RHOT1: variants seen among roughly 807,000 people sequenced by gnomAD.
The protein encoded by RHOT1 is mitochondrial Rho GTPase 1.
A neutral mutation model predicts 95.3 loss-of-function variants in RHOT1; 27 were observed. The ratio of observed to expected loss-of-function variants is 0.28; its 90% CI spans 0.21 to 0.39. RHOT1 has a LOEUF of 0.39. Among genes scored for constraint, RHOT1 ranks in the 10% least tolerant of loss-of-function variants. The pLI is 1.00. For synonymous variants in RHOT1, 227 were observed against 263.5 expected (o/e 0.86, Z 1.34); for missense variants, 578 against 786.7 (o/e 0.73, Z 3.17).
chr17:32,194,014 T>C lies in RHOT1; in HGVS notation c.776T>C (p.Ile259Thr), dbSNP rs1475323824. Residue 259 changes from isoleucine (I) to threonine (T), a missense_variant, in exon 11 of 20, where the codon ATC (isoleucine) becomes ACC (threonine). By Grantham distance (89) the Ile-to-Thr change is moderately conservative. This residue lies in a region of RHOT1 where 227 missense variants were observed against 316.0 expected (regional missense o/e 0.72). Coordinates refer to ENST00000545287, the MANE Select transcript of RHOT1 (RefSeq NM_001033566.3). Reference sequence around the variant, plus strand: ...TTTCTCTTTTTACACACACTTTTTATCCAGAGAGGGAGACACGAAACTACT... The same window carrying C: ...TTTCTCTTTTTACACACACTTTTTACCCAGAGAGGGAGACACGAAACTACT... ...KGFLFLHTLF[I>T]QRGRHETTWT... 6.8e-6 allele frequency: 11 copies of C among 1,613,776 alleles called. No homozygotes were observed. The highest frequency in any genetic ancestry group is 8.5e-6 in the Non-Finnish European group (10 of 1,179,778).
chr17:32,189,940 A>G lies in RHOT1; in HGVS notation c.541-2261A>G, dbSNP rs565232211. Among the ~76,000 whole-genome samples, 3 of 151,920 alleles carry G rather than the reference A, an allele frequency of 2.0e-5. No homozygotes were observed. In the South Asian group the frequency reaches 6.2e-4, roughly 32 times the overall value. On this transcript the variant is annotated intron_variant, in intron 8 of 19. Transcript: ENST00000545287. ...TAGAGATGGGGCTAGCCTGGTCTCA[A>G]ACTCCTGGCCTCAAGTAATTTGCTC...
chr17:32,146,398 C>T (rs1263773224), intron 1 of RHOT1, among the ~76,000 whole-genome samples: 1 of 152,036 alleles, frequency 6.6e-6, no homozygotes, highest in African/African-American at 2.4e-5. Context: ...AACCACTCCT[C>T]TTTGTCATAA....
chr17:32,212,873 T>C (rs1159749812), intron 19 of RHOT1, among the ~76,000 whole-genome samples: 1 of 152,128 alleles, frequency 6.6e-6, no homozygotes, highest in Non-Finnish European at 1.5e-5. Flanking sequence ...TTAAATTAGA[T>C]GGTTTAGTGA....
intron 1 of RHOT1, chr17:32,150,631 C>G: frequency 6.3e-7 from 1 of 1,591,088 alleles, no homozygotes; most frequent in South Asian, 1.1e-5. Flanking sequence ...CTGATACAGA[C>G]AGTGGAAAGA....
intron 1 of RHOT1, among the ~76,000 whole-genome samples, chr17:32,169,174 C>T (rs921250681): frequency 1.3e-5 from 2 of 152,156 alleles, no homozygotes; most frequent in African/African-American, 2.4e-5. Flanking sequence ...AGAGACTGGA[C>T]TTGTGTTCAC....
At chr17:32,188,139 G>A (rs902241417) in intron 8 of RHOT1, among the ~76,000 whole-genome samples, 2 of 152,148 alleles carry the variant, frequency 1.3e-5, no homozygotes, top group African/African-American at 4.8e-5. Context: ...CAAGTACTAT[G>A]TATATCACTC....
intron 1 of RHOT1, among the ~76,000 whole-genome samples, chr17:32,168,251 A>G (rs916733329): frequency 6.6e-5 from 10 of 152,060 alleles, no homozygotes; most frequent in Admixed American, 2.6e-4. Context: ...GCACACACAC[A>G]CACACTCACA....
chr17:32,177,036 A>G (rs1309428143), intron 6 of RHOT1, among the ~76,000 whole-genome samples: 1 of 152,200 alleles, frequency 6.6e-6, no homozygotes, highest in Admixed American at 6.5e-5. Flanking sequence ...TCTGTCTTAC[A>G]TATTTTGGAA....
At chr17:32,202,006 G>A (rs2037357152) in intron 14 of RHOT1, among the ~76,000 whole-genome samples, 1 of 152,030 alleles carries the variant, frequency 6.6e-6, no homozygotes, top group Admixed American at 6.6e-5. Flanking sequence ...CCGCCTCCTG[G>A]GTTCAAGCGA....
chr17:32,164,324 C>G (rs1329347967), intron 1 of RHOT1, among the ~76,000 whole-genome samples: 2 of 151,740 alleles, frequency 1.3e-5, no homozygotes, highest in Non-Finnish European at 2.9e-5. Context: ...GCCTCTGCCT[C>G]CCGGGTTCAA....
chr17:32,189,157 G>T (rs2036274880), intron 8 of RHOT1, among the ~76,000 whole-genome samples: 1 of 152,132 alleles, frequency 6.6e-6, no homozygotes, highest in South Asian at 2.1e-4. Flanking sequence ...AAATTAGCTG[G>T]GCGTGGTGGC....
intron 6 of RHOT1, among the ~76,000 whole-genome samples, chr17:32,182,047 A>T (rs2035678581): frequency 6.6e-6 from 1 of 152,114 alleles, no homozygotes; most frequent in African/African-American, 2.4e-5. Context: ...CTTGGCTCAA[A>T]TGTCACCTTT....
At chr17:32,193,885 G>A (rs1007671174) in intron 10 of RHOT1, 102 bp from the exon 11 acceptor site, 6 of 1,389,580 alleles carry the variant, frequency 4.3e-6, no homozygotes, top group African/African-American at 1.4e-5. Flanking sequence ...ACAATGCAAA[G>A]CTAGCATCCG....
chr17:32,199,297 A>G (rs2037138539), intron 12 of RHOT1, 108 bp from the exon 13 acceptor site: 4 of 1,060,254 alleles, frequency 3.8e-6, no homozygotes, highest in South Asian at 3.1e-5. Flanking sequence ...ATTTGTTGTC[A>G]TTTATTAAGT....
chr17:32,214,065 C>T (rs1436839661), intron 19 of RHOT1, among the ~76,000 whole-genome samples: 1 of 152,134 alleles, frequency 6.6e-6, no homozygotes, highest in Non-Finnish European at 1.5e-5. Flanking sequence ...CCTTCCTTAT[C>T]CCCGTTAGTA....
At chr17:32,162,042 C>G (rs751859284) in intron 1 of RHOT1, among the ~76,000 whole-genome samples, 2 of 152,218 alleles carry the variant, frequency 1.3e-5, no homozygotes, top group Middle Eastern at 3.4e-3. Context: ...CTTTGATGTT[C>G]GGAGTTTTTA....
chr17:32,224,321 TTGATTTGTCTAACTTC>T (rs2039013238), intron 19 of RHOT1, among the ~76,000 whole-genome samples: 1 of 152,234 alleles, frequency 6.6e-6, no homozygotes, highest in South Asian at 2.1e-4. Context: ...AAATGCTAGA[TTGATTTGTCTAACTTC>T]TTTATTTCCT....
chr17:32,211,476 A>G (rs917557513), intron 19 of RHOT1: 7 of 310,210 alleles, frequency 2.3e-5, no homozygotes, highest in Non-Finnish European at 4.1e-5. Context: ...TGTTTTTTTC[A>G]TAAGGAAGAT....
chr17:32,145,319 T>A (rs1402963353), intron 1 of RHOT1, among the ~76,000 whole-genome samples: 1 of 152,132 alleles, frequency 6.6e-6, no homozygotes, highest in African/African-American at 2.4e-5. Flanking sequence ...ATATATATAT[T>A]GATAATAGTA....
Sources: allele counts gnomAD v4.1 joint callset (sites outside exome capture counted in the v4.1 genomes callset), GRCh38; gene constraint gnomAD v4.1.1; regional missense constraint gnomAD v4.1.1; transcripts MANE v1.5; gene names NCBI Gene and HGNC (gene_info 2026-07-23, HGNC 2026-07-21).